Variants in ANKDD1B observed in about 807,000 individuals in gnomAD.
The protein encoded by ANKDD1B is ankyrin repeat and death domain-containing protein 1B.
A neutral mutation model predicts 59.7 loss-of-function variants in ANKDD1B; 57 were observed. That is an observed-to-expected ratio of 0.95 (90% CI 0.77 to 1.19). ANKDD1B has a LOEUF of 1.19. ANKDD1B is among the 50% of genes most tolerant of loss of function. The pLI, the probability that ANKDD1B is intolerant of heterozygous loss-of-function variation, is 0.00. For synonymous variants in ANKDD1B, 216 were observed against 239.5 expected (o/e 0.90, Z 0.91); for missense variants, 602 against 641.9 (o/e 0.94, Z 0.67).
intron 3 of ANKDD1B, among the ~76,000 whole-genome samples, chr5:75,623,639 G>T (rs1387643863): frequency 6.6e-6 from 1 of 152,142 alleles, no homozygotes; most frequent in East Asian, 1.9e-4. Context: ...TAAGAGTGGG[G>T]TTTCTCAACA....
chr5:75,621,765 AATT>A (rs1324916774), intron 3 of ANKDD1B, among the ~76,000 whole-genome samples: 1 of 152,178 alleles, frequency 6.6e-6, no homozygotes, highest in Non-Finnish European at 1.5e-5. Flanking sequence ...AGTGCAAATC[AATT>A]ATTCCTGAAA....
chr5:75,636,563 G>A (rs1774309840), intron 7 of ANKDD1B, among the ~76,000 whole-genome samples: 2 of 152,188 alleles, frequency 1.3e-5, no homozygotes, highest in African/African-American at 4.8e-5. Flanking sequence ...AGGGTTTTAA[G>A]CAGTGAAAAG....
intron 6 of ANKDD1B, 93 bp from the exon 7 acceptor site, chr5:75,635,690 GA>G: frequency 2.6e-6 from 2 of 766,742 alleles, no homozygotes; most frequent in African/African-American, 3.5e-5. Flanking sequence ...TAACCAAAAT[GA>G]AAACTTCCAG....
intron 10 of ANKDD1B, 78 bp from the exon 11 acceptor site, chr5:75,663,316 G>A (rs944625817): frequency 1.9e-6 from 2 of 1,076,106 alleles, no homozygotes; most frequent in Non-Finnish European, 2.7e-6. Context: ...GATTTGAACC[G>A]AGGCCCCCTT....
chr5:75,617,022 G>T, intron 2 of ANKDD1B, 115 bp downstream of exon 2: 1 of 540,876 alleles, frequency 1.8e-6, no homozygotes, highest in Admixed American at 3.2e-5. Context: ...AGATAAGGGA[G>T]AGCTGCTTTG....
rs1775493220 is a variant in ANKDD1B, at chr5:75,671,797, A to G, written c.*757A>G. 6.6e-6 allele frequency: 1 copy of G among 150,706 alleles called. No homozygotes were observed. Among genetic ancestry groups the G allele is most frequent in the Non-Finnish European group, 1.5e-5 (1 of 67,840 alleles). 9.3% of individuals were successfully genotyped at this position (150,706 alleles called of 1,614,324 possible). ...ATTCTTTTTTTCACAAAGAACATGC[A>G]TTATTTTTGTAATCTAAGAGTTATG... is the stretch of plus-strand genomic sequence containing the variant. On this transcript the variant is annotated 3_prime_UTR_variant, in exon 14 of 14. Transcript: ENST00000601380.
intron 10 of ANKDD1B, among the ~76,000 whole-genome samples, chr5:75,660,973 C>A (rs1284120866): frequency 1.3e-5 from 2 of 152,164 alleles, no homozygotes; most frequent in Admixed American, 1.3e-4. Context: ...CCTGAGTCCA[C>A]CCTACTCTAG....
At chr5:75,652,053 G>C (rs1013008211) in intron 7 of ANKDD1B, among the ~76,000 whole-genome samples, 1 of 152,178 alleles carries the variant, frequency 6.6e-6, no homozygotes, top group African/African-American at 2.4e-5. Context: ...CCTGCCTCTT[G>C]ATGAGGGGAG....
rs1773728434 is a variant in ANKDD1B at position 75,616,823 on chromosome 5, C to A, written c.213C>A (p.Ser71Arg). 11 of 1,525,340 alleles carry A rather than the reference C, an allele frequency of 7.2e-6. No individual in the cohort carries two copies. The highest frequency in any genetic ancestry group is 9.7e-6 in the Non-Finnish European group (11 of 1,138,324). 94.5% of individuals were successfully genotyped at this position (1,525,340 alleles called of 1,614,324 possible). Residue 71 changes from serine to arginine, a missense_variant, in exon 2 of 14, where the codon AGC (serine) becomes AGA (arginine). Ser to Arg is a moderately radical substitution (Grantham distance 110). Around this residue, in one of 3 missense-constraint regions of ANKDD1B, gnomAD observed 317 missense variants for 304.6 expected, o/e 1.04. Coordinates refer to ENST00000601380, the MANE Select transcript of ANKDD1B (RefSeq NM_001276713.2). ...TTTCAGTACTCCCAAATGAGAGAAGCTTTCAGAATGCTGCTAAAAGCAATA... is the reference window on the plus strand; with the variant it reads ...TTTCAGTACTCCCAAATGAGAGAAGATTTCAGAATGCTGCTAAAAGCAATA... Reference protein sequence around the residue: ...GHELLLPNERSFQNAAKSNNL... With the variant: ...GHELLLPNERRFQNAAKSNNL...
intron 1 of ANKDD1B, among the ~76,000 whole-genome samples, chr5:75,612,469 CTT>C (rs1342136773): frequency 5.3e-5 from 8 of 151,154 alleles, no homozygotes; most frequent in African/African-American, 1.9e-4. Context: ...ACTCAAGCCT[CTT>C]AACGGGGCAC....
chr5:75,627,282 A>G (rs1774019750), intron 5 of ANKDD1B, among the ~76,000 whole-genome samples: 1 of 152,196 alleles, frequency 6.6e-6, no homozygotes, highest in Non-Finnish European at 1.5e-5. Flanking sequence ...GTCTTGTCCC[A>G]CATATAATTT....
intron 8 of ANKDD1B, among the ~76,000 whole-genome samples, chr5:75,655,387 C>T (rs1774944128): frequency 6.6e-6 from 1 of 152,190 alleles, no homozygotes; most frequent in Non-Finnish European, 1.5e-5. Context: ...GTAAGGGGGA[C>T]ACGAGTCCTA....
chr5:75,618,520 T>C (rs949708759), intron 2 of ANKDD1B, among the ~76,000 whole-genome samples: 2 of 152,216 alleles, frequency 1.3e-5, no homozygotes, highest in Non-Finnish European at 2.9e-5. Flanking sequence ...CTGTTTACTG[T>C]TTACAGCAAA....
intron 7 of ANKDD1B, among the ~76,000 whole-genome samples, chr5:75,648,269 A>AAAAAAAAAAAAATT (rs1554068899): frequency 3.1e-4 from 11 of 35,978 alleles, no homozygotes; most frequent in African/African-American, 6.2e-4. Flanking sequence ...AAAAAAATTA[A>AAAAAAAAAAAAATT]AAAAAAAAAA....
intron 10 of ANKDD1B, among the ~76,000 whole-genome samples, chr5:75,661,253 C>T (rs1244499409): frequency 6.6e-6 from 1 of 151,268 alleles, no homozygotes; most frequent in Non-Finnish European, 1.5e-5. Context: ...ACAAATCAGC[C>T]GGGCATGGTG....
chr5:75,618,993 G>T (rs552097559), intron 2 of ANKDD1B, among the ~76,000 whole-genome samples: 1 of 152,280 alleles, frequency 6.6e-6, no homozygotes, highest in African/African-American at 2.4e-5. Flanking sequence ...TGATCCACCC[G>T]CCTTGGCCTC....
intron 1 of ANKDD1B, 138 bp downstream of exon 1, chr5:75,611,965 A>G: frequency 3.1e-6 from 2 of 640,062 alleles, no homozygotes; most frequent in Non-Finnish European, 2.2e-6. Flanking sequence ...TGGGACCCCG[A>G]GTCCCAGCCT....
chr5:75,625,796 G>A, intron 4 of ANKDD1B, 51 bp downstream of exon 4: 1 of 1,529,974 alleles, frequency 6.5e-7, no homozygotes, highest in Non-Finnish European at 8.8e-7. Flanking sequence ...ACCATTGCAG[G>A]AGAGAGGAAG....
chr5:75,620,295 C>T lies in ANKDD1B; in HGVS notation c.298-20C>T. 6 of 1,359,732 alleles carry T rather than the reference C, an allele frequency of 4.4e-6. No individual in the cohort carries two copies. Among genetic ancestry groups the T allele is most frequent in the Non-Finnish European group, 6.0e-6 (6 of 997,144 alleles). The allele number at this position is 1,359,732 out of a possible 1,614,324, so 84.2% of individuals were successfully genotyped here. A position where few individuals can be genotyped will look rare whatever the true frequency, so the allele number is the denominator to read the frequency against. The stretch of plus-strand genomic sequence containing the variant: ...TGAATAATGATCAGATGACTAAAAA[C>T]ATAAATTATGCTTCCTCAGATGAAC... On this transcript the variant is annotated intron_variant, in intron 2 of 13. Transcript: ENST00000601380.
Sources: gnomAD v4.1 joint callset for allele counts (sites outside exome capture counted in the v4.1 genomes callset) on GRCh38, gnomAD v4.1.1 for gene constraint, gnomAD v4.1.1 regional missense constraint, MANE v1.5 for transcripts, NCBI Gene and HGNC (gene_info 2026-07-23, HGNC 2026-07-21) for gene names.